The following NTSR1 variants were observed in gnomAD, a reference collection of about 807,000 sequenced individuals.
NTSR1 encodes neurotensin receptor 1.
A neutral mutation model predicts 31.2 loss-of-function variants in NTSR1; 29 were observed. The observed-to-expected ratio is 0.93, with a 90% CI of 0.69 to 1.27. The LOEUF (loss-of-function observed/expected upper bound fraction) is 1.27, where lower values mean the gene tolerates loss of function less well. Ranked by LOEUF, NTSR1 falls within the 50% of genes most tolerant of loss-of-function variation. The probability of loss-of-function intolerance (pLI) is 0.00; values close to 1 mark genes in which losing one functional copy is unlikely to be tolerated. For missense variants in NTSR1, 697 were observed against 595.4 expected, an observed-to-expected ratio of 1.17 and a Z score of -1.78; for synonymous variants, 282 against 269.9, an observed-to-expected ratio of 1.04 and a Z score of -0.44.
At chr20:62,735,190 G>A (rs1464927744) in intron 1 of NTSR1, 9 of 152,670 alleles carry the variant, frequency 5.9e-5, no homozygotes, top group Admixed American at 5.9e-4. Flanking sequence ...ACCATGGTTA[G>A]GGGGTGGGAG....
chr20:62,743,167 C>T lies in NTSR1; in HGVS notation c.715-11518C>T, dbSNP rs1282462349. 6.7e-6 allele frequency among the ~76,000 whole-genome samples: 1 copy of T among 149,474 alleles called. No individual in the cohort carries two copies. The highest frequency in any genetic ancestry group is 1.5e-5 in the Non-Finnish European group (1 of 68,012). On this transcript the variant is annotated intron_variant, in intron 1 of 3. Transcript: ENST00000370501. This position sits in a 1 kb window ranked among gnomAD's most constrained non-coding sequence, Gnocchi z 7.5. ...CGGCCATCTCAGGCCCACCCATTGCCTCATTGCTCCCTGCCCCCGGTCCAG... is the reference window on the plus strand; with the variant it reads ...CGGCCATCTCAGGCCCACCCATTGCTTCATTGCTCCCTGCCCCCGGTCCAG...
intron 1 of NTSR1, among the ~76,000 whole-genome samples, chr20:62,710,480 C>T (rs1002008837): frequency 1.3e-5 from 2 of 152,148 alleles, no homozygotes; most frequent in African/African-American, 2.4e-5. Context: ...GGAGAGAGGA[C>T]GCGTGGGAAG....
intron 1 of NTSR1, among the ~76,000 whole-genome samples, chr20:62,746,851 AT>A (rs1989309119): frequency 2.0e-5 from 3 of 152,262 alleles, no homozygotes. Context: ...TTAAAGAAGA[AT>A]TAACACCAGT....
At position 62,709,603 on chromosome 20, in the gene NTSR1, C is replaced by A. The variant is rs1205443956; in HGVS notation, c.396C>A (p.His132Gln). 5 of 1,611,718 alleles carry A rather than the reference C, an allele frequency of 3.1e-6. No homozygotes were observed. The highest frequency in any genetic ancestry group is 3.4e-6 in the Non-Finnish European group (4 of 1,179,908). The change falls in exon 1 of 4, where the codon CAC becomes CAA. Residue 132 changes from histidine to glutamine, a missense_variant. Coordinates refer to ENST00000370501, the MANE Select transcript of NTSR1 (RefSeq NM_002531.3). ...TGTACAACTTCATCTGGGTGCACCA[C>A]CCCTGGGCCTTCGGCGACGCCGGCT... ...VELYNFIWVHHPWAFGDAGCR... is the reference protein window; with the variant it reads ...VELYNFIWVHQPWAFGDAGCR...
Position 62,744,083 on chromosome 20 carries a change from G to A in NTSR1, c.715-10602G>A, listed in dbSNP as rs1989252360. On this transcript the variant is annotated intron_variant, in intron 1 of 3. Transcript: ENST00000370501. The surrounding 1 kb of genome is among the most constrained non-coding windows in gnomAD (Gnocchi z 4.1). ...TCAAAATTACACATGCGAGGGGGCAGAGGCCAGGCTGTCCCTCCCATAGGT... is the reference window on the plus strand; with the variant it reads ...TCAAAATTACACATGCGAGGGGGCAAAGGCCAGGCTGTCCCTCCCATAGGT... Among the ~76,000 whole-genome samples, 1 of 152,228 alleles carries A rather than the reference G, an allele frequency of 6.6e-6. No individual in the cohort carries two copies. Among genetic ancestry groups the A allele is most frequent in the Non-Finnish European group, 1.5e-5 (1 of 68,036 alleles).
intron 1 of NTSR1, among the ~76,000 whole-genome samples, chr20:62,747,410 A>C (rs889301804): frequency 7.2e-6 from 1 of 138,366 alleles, no homozygotes; most frequent in Non-Finnish European, 1.6e-5. Flanking sequence ...CCCACAGCTA[A>C]CACCACACTC....
intron 1 of NTSR1, among the ~76,000 whole-genome samples, chr20:62,729,629 T>A (rs1478701315): frequency 2.1e-3 from 55 of 26,078 alleles, no homozygotes; most frequent in Non-Finnish European, 5.6e-3. Context: ...GTTTCTAATT[T>A]TTTTTTTTTT....
intron 1 of NTSR1, among the ~76,000 whole-genome samples, chr20:62,726,686 AC>A (rs1225653823): frequency 9.3e-6 from 1 of 107,828 alleles, no homozygotes; most frequent in Non-Finnish European, 2.1e-5. Context: ...CAGAGCAGGA[AC>A]CTGTCTCAAA....
chr20:62,743,891 G>T lies in NTSR1; in HGVS notation c.715-10794G>T, dbSNP rs533898741. ...GGGGGCACCCTCCTGCTGTCTGGCT[G>T]TGCCCTCACCTGTGGGCAGGCATAC... On this transcript the variant is annotated intron_variant, in intron 1 of 3. Transcript: ENST00000370501. The surrounding 1 kb of genome is among the most constrained non-coding windows in gnomAD (Gnocchi z 7.5). Among the ~76,000 whole-genome samples, 37 of 152,300 alleles carry T rather than the reference G, an allele frequency of 2.4e-4. No homozygotes were observed. Among genetic ancestry groups the T allele is most frequent in the African/African-American group, 7.9e-4 (33 of 41,548 alleles).
At position 62,708,848 on chromosome 20, in the gene NTSR1, C is replaced by G. The variant is rs907149110; in HGVS notation, c.-360C>G. 1 of 235,692 alleles carries G rather than the reference C, an allele frequency of 4.2e-6. No individual in the cohort carries two copies. The highest frequency in any genetic ancestry group is 1.5e-4 in the South Asian group (1 of 6,760). The allele number at this position is 235,692 out of a possible 1,614,324, so 14.6% of individuals were successfully genotyped here. A position where few individuals can be genotyped will look rare whatever the true frequency, so the allele number is the denominator to read the frequency against. On this transcript the variant is annotated 5_prime_UTR_variant, in exon 1 of 4. Transcript: ENST00000370501. This position sits in a 1 kb window ranked among gnomAD's most constrained non-coding sequence, Gnocchi z 5.9. ...TCCTCCCGGCGCCACAAGCTCGCCCCGCGCAGCCCGAGCCGGGCTGGGCGC... is the reference window on the plus strand; with the variant it reads ...TCCTCCCGGCGCCACAAGCTCGCCCGGCGCAGCCCGAGCCGGGCTGGGCGC...
At position 62,715,214 on chromosome 20, in the gene NTSR1, G is replaced by T. The variant is rs373102489; in HGVS notation, c.714+5293G>T. 6.6e-6 allele frequency among the ~76,000 whole-genome samples: 1 copy of T among 152,218 alleles called. No individual in the cohort carries two copies. The highest frequency in any genetic ancestry group is 1.5e-5 in the Non-Finnish European group (1 of 68,052). Reference sequence around the variant, plus strand: ...GTTCAGATGGTGACTCTGAGGCTGTGGGGGGTGAGAGGGCAGGACAGGGAG... The same window carrying T: ...GTTCAGATGGTGACTCTGAGGCTGTTGGGGGTGAGAGGGCAGGACAGGGAG... On this transcript the variant is annotated intron_variant, in intron 1 of 3. Transcript: ENST00000370501. The surrounding 1 kb of genome is among the most constrained non-coding windows in gnomAD (Gnocchi z 4.7).
At position 62,732,435 on chromosome 20, in the gene NTSR1, CG is replaced by C. The variant is rs1184896693; in HGVS notation, c.715-22249del. ...TAGTTCCTGTTGCCATGATGGATTT[CG>C]ATAATCTGTTTCCGAACCCTGGAGC... On this transcript the variant is annotated intron_variant, in intron 1 of 3. Transcript: ENST00000370501. The surrounding 1 kb of genome is among the most constrained non-coding windows in gnomAD (Gnocchi z 4.0). 1.3e-5 allele frequency: 2 copies of C among 152,172 alleles called. No homozygotes were observed. Among genetic ancestry groups the C allele is most frequent in the Non-Finnish European group, 2.9e-5 (2 of 68,050 alleles). The allele number at this position is 152,172 out of a possible 1,614,324, so 9.4% of individuals were successfully genotyped here.
At chr20:62,712,936 A>T (rs1988644679) in intron 1 of NTSR1, among the ~76,000 whole-genome samples, 1 of 152,200 alleles carries the variant, frequency 6.6e-6, no homozygotes, top group South Asian at 2.1e-4. Context: ...TCATCTGTCC[A>T]TGGCGTGTAT....
rs1249720315 is a variant in NTSR1 at position 62,711,146 on chromosome 20, G to A, written c.714+1225G>A. Among the ~76,000 whole-genome samples the A allele has an allele frequency of 6.6e-6, 1 of 152,146 alleles. No individual in the cohort carries two copies. Among genetic ancestry groups the A allele is most frequent in the Non-Finnish European group, 1.5e-5 (1 of 68,014 alleles). On this transcript the variant is annotated intron_variant, in intron 1 of 3. Coordinates refer to ENST00000370501, the MANE Select transcript of NTSR1 (RefSeq NM_002531.3). This position sits in a 1 kb window ranked among gnomAD's most constrained non-coding sequence, Gnocchi z 6.4. ...ACTGGCCACCACCCAGGTGGGCTGGGGGGTGGAGGAGGGTAGAACTGAGCT... is the reference window on the plus strand; with the variant it reads ...ACTGGCCACCACCCAGGTGGGCTGGAGGGTGGAGGAGGGTAGAACTGAGCT...
At chr20:62,726,150 A>G (rs1034792780) in intron 1 of NTSR1, among the ~76,000 whole-genome samples, 15 of 152,262 alleles carry the variant, frequency 9.9e-5, no homozygotes, top group Admixed American at 5.2e-4. Context: ...AGCCCTTCCG[A>G]ACCGGTCTCA....
intron 1 of NTSR1, among the ~76,000 whole-genome samples, chr20:62,739,838 G>A (rs1989170588): frequency 6.6e-6 from 1 of 152,288 alleles, no homozygotes; most frequent in African/African-American, 2.4e-5. Context: ...GCGACGGCCA[G>A]AACTGGAGAA....
intron 1 of NTSR1, chr20:62,735,311 G>A (rs1179865772): frequency 7.1e-6 from 1 of 140,376 alleles, no homozygotes; most frequent in Admixed American, 7.0e-5. Flanking sequence ...CCACAGCCAG[G>A]GATGTGGGGC....
rs1205810082 is a variant in NTSR1, at chr20:62,725,468, C to T, written c.714+15547C>T. On this transcript the variant is annotated intron_variant, in intron 1 of 3. Coordinates refer to ENST00000370501, the MANE Select transcript of NTSR1 (RefSeq NM_002531.3). ...CTGCACTGTCGGCCCCGTCTCCCCC[C>T]CGCTGCCTTCCGGTCCCATCACTGC... 5.1e-4 allele frequency among the ~76,000 whole-genome samples: 78 copies of T among 152,294 alleles called. 1 individual carries two copies. Among genetic ancestry groups the T allele is most frequent in the South Asian group, 8.3e-4 (4 of 4,828 alleles).
intron 1 of NTSR1, among the ~76,000 whole-genome samples, chr20:62,740,710 G>C (rs898966025): frequency 1.3e-5 from 2 of 152,244 alleles, no homozygotes; most frequent in Non-Finnish European, 2.9e-5. Flanking sequence ...GCCGTGACCG[G>C]GGCCAGAATT....
Sources: allele counts gnomAD v4.1 joint callset (sites outside exome capture counted in the v4.1 genomes callset), GRCh38; gene constraint gnomAD v4.1.1; non-coding constraint Gnocchi (gnomAD v3.1); transcripts MANE v1.5; gene names NCBI Gene and HGNC (gene_info 2026-07-23, HGNC 2026-07-21).